The following LDB2 variants were observed in gnomAD, a reference collection of about 807,000 sequenced individuals.
LDB2 encodes the protein LIM domain-binding protein 2.
LDB2 carries 12 observed loss-of-function variants against 44.3 expected under a neutral mutation model. The ratio of observed to expected loss-of-function variants is 0.27; its 90% CI spans 0.17 to 0.44. The LOEUF is 0.44. LDB2 is among the 20% of genes least tolerant of loss of function. The pLI is 1.00. For missense variants in LDB2, 344 were observed against 473.5 expected, an observed-to-expected ratio of 0.73 and a Z score of 2.54; for synonymous variants, 164 against 174.8, an observed-to-expected ratio of 0.94 and a Z score of 0.49.
intron 2 of LDB2, among the ~76,000 whole-genome samples, chr4:16,690,235 G>A (rs1348094144): frequency 1.3e-5 from 2 of 151,782 alleles, no homozygotes; most frequent in African/African-American, 4.8e-5. Context: ...GCACTTGAAA[G>A]GTCTATGGTT....
intron 5 of LDB2, among the ~76,000 whole-genome samples, chr4:16,519,901 T>C (rs1195489244): frequency 8.6e-5 from 13 of 152,030 alleles, no homozygotes; most frequent in Admixed American, 8.5e-4. Flanking sequence ...CCAGCCCCAC[T>C]GAGCCAGGCG....
intron 5 of LDB2, among the ~76,000 whole-genome samples, chr4:16,550,213 C>T (rs12233679): frequency 0.091 from 13,898 of 152,260 alleles, 1,108 homozygotes; most frequent in East Asian, 0.44. Context: ...ATTCTGTTGG[C>T]ATATCACTTT....
chr4:16,634,660 T>C (rs991024923), intron 2 of LDB2, among the ~76,000 whole-genome samples: 5 of 151,870 alleles, frequency 3.3e-5, no homozygotes, highest in African/African-American at 9.7e-5. Flanking sequence ...GCTGGAGAGG[T>C]TGTGGAAAAA....
chr4:16,797,634 G>T (rs1561263980), intron 1 of LDB2, among the ~76,000 whole-genome samples: 1 of 152,046 alleles, frequency 6.6e-6, no homozygotes, highest in African/African-American at 2.4e-5. Context: ...AGTTAGGAAT[G>T]ATAATAATAA....
intron 2 of LDB2, among the ~76,000 whole-genome samples, chr4:16,755,877 C>A (rs1219945941): frequency 1.3e-5 from 2 of 152,118 alleles, no homozygotes; most frequent in Non-Finnish European, 2.9e-5. Context: ...CAATTTCTCA[C>A]ATAGTCTAAT....
intron 1 of LDB2, among the ~76,000 whole-genome samples, chr4:16,815,342 G>A (rs1780705334): frequency 1.3e-5 from 2 of 152,210 alleles, no homozygotes; most frequent in African/African-American, 2.4e-5. Context: ...AGGTGTGTGT[G>A]GAGGACATAG....
Position 16,885,128 on chromosome 4 carries a change from T to C in LDB2, c.132+13226A>G, listed in dbSNP as rs1182745551. Among the ~76,000 whole-genome samples the C allele has an allele frequency of 2.2e-5, 3 of 135,060 alleles. No individual in the cohort carries two copies. The Admixed American group carries it at 2.5e-4, about 11-fold the overall frequency. 88.6% of individuals were successfully genotyped at this position (135,060 alleles called of 152,430 possible). On this transcript the variant is annotated intron_variant, in intron 1 of 7. Coordinates refer to ENST00000304523, the MANE Select transcript of LDB2 (RefSeq NM_001290.5). The stretch of plus-strand genomic sequence containing the variant: ...CAAGCTCAGGAGTTTGAGACCAGCC[T>C]GGGCAACATAGGGAGATACCACTTC...
chr4:16,593,418 A>T (rs753250748), intron 3 of LDB2, among the ~76,000 whole-genome samples: 3 of 152,188 alleles, frequency 2.0e-5, no homozygotes, highest in Admixed American at 6.5e-5. Context: ...AATATAAGAA[A>T]AACAACATTG....
intron 1 of LDB2, among the ~76,000 whole-genome samples, chr4:16,764,041 A>C (rs1052169057): frequency 6.6e-6 from 1 of 152,216 alleles, no homozygotes. Context: ...TAAGCTACTC[A>C]ATAAAGGTTA....
At chr4:16,543,732 A>C (rs1306592898) in intron 5 of LDB2, among the ~76,000 whole-genome samples, 1 of 152,208 alleles carries the variant, frequency 6.6e-6, no homozygotes, top group African/African-American at 2.4e-5. Context: ...AAACACCAAA[A>C]GCAATGGCAA....
At chr4:16,592,319 G>A (rs1719276704) in intron 3 of LDB2, among the ~76,000 whole-genome samples, 1 of 151,964 alleles carries the variant, frequency 6.6e-6, no homozygotes, top group East Asian at 1.9e-4. Flanking sequence ...TGCTTGTTAA[G>A]TGGGAGTGTT....
At position 16,548,988 on chromosome 4, in the gene LDB2, T is replaced by A. The variant is rs572049565; in HGVS notation, c.616-36884A>T. ...AATGAAAATATAGAAGCATGGCGTC[T>A]TATATGATTAGGAGGTATTGGAGTA... On this transcript the variant is annotated intron_variant, in intron 5 of 7. Transcript: ENST00000304523. Among the ~76,000 whole-genome samples the A allele has an allele frequency of 2.0e-5, 3 of 152,324 alleles. No homozygotes were observed. The South Asian group carries it at 6.2e-4, about 32-fold the overall frequency.
intron 1 of LDB2, among the ~76,000 whole-genome samples, chr4:16,786,889 T>C (rs1774551709): frequency 6.6e-6 from 1 of 152,178 alleles, no homozygotes; most frequent in Admixed American, 6.5e-5. Context: ...GAATCTTTTG[T>C]GAACCCTACC....
intron 5 of LDB2, among the ~76,000 whole-genome samples, chr4:16,563,379 C>T (rs890023258): frequency 7.3e-6 from 1 of 136,058 alleles, no homozygotes. Context: ...GACCAAATTA[C>T]AAACCATAGT....
intron 2 of LDB2, among the ~76,000 whole-genome samples, chr4:16,652,250 C>G (rs190811016): frequency 2.0e-5 from 3 of 152,260 alleles, no homozygotes; most frequent in Non-Finnish European, 2.9e-5. Context: ...CCAACCTGTA[C>G]TTTACTTTTT....
At chr4:16,578,323 A>G (rs1344281255) in intron 5 of LDB2, among the ~76,000 whole-genome samples, 1 of 152,166 alleles carries the variant, frequency 6.6e-6, no homozygotes, top group Admixed American at 6.5e-5. Flanking sequence ...GGAATTAATA[A>G]CCATAATACA....
At chr4:16,655,749 G>C (rs1739598733) in intron 2 of LDB2, among the ~76,000 whole-genome samples, 2 of 152,188 alleles carry the variant, frequency 1.3e-5, no homozygotes, top group African/African-American at 4.8e-5. Context: ...AGCCAGTCTT[G>C]GCATGCTCAA....
chr4:16,810,282 C>T (rs969015234), intron 1 of LDB2, among the ~76,000 whole-genome samples: 5 of 152,166 alleles, frequency 3.3e-5, no homozygotes, highest in African/African-American at 9.7e-5. Context: ...AATGCATCTT[C>T]CTAAAAGAAA....
At chr4:16,823,054 G>A (rs185328976) in intron 1 of LDB2, among the ~76,000 whole-genome samples, 118 of 152,224 alleles carry the variant, frequency 7.8e-4, no homozygotes, top group Non-Finnish European at 1.2e-3. Context: ...CATCATGTCC[G>A]GCACTCCTCC....
Sources: allele counts gnomAD v4.1 joint callset (sites outside exome capture counted in the v4.1 genomes callset), GRCh38; gene constraint gnomAD v4.1.1; transcripts MANE v1.5; gene names NCBI Gene and HGNC (gene_info 2026-07-23, HGNC 2026-07-21).